The following SHANK1 variants were observed in gnomAD, a reference collection of about 807,000 sequenced individuals.
SHANK1 encodes the protein SH3 and multiple ankyrin repeat domains 1.
In SHANK1, 35 loss-of-function variants were observed where a neutral mutation model predicts 165.6. The observed-to-expected ratio is 0.21, with a 90% confidence interval of 0.16 to 0.28. SHANK1 has a LOEUF of 0.28. SHANK1 is among the 10% of genes least tolerant of loss of function. SHANK1 has a pLI of 1.00. For synonymous variants in SHANK1, 1,428 were observed against 1,384.8 expected (o/e 1.03, Z -0.69); for missense variants, 2,681 against 3,036.4 (o/e 0.88, Z 2.75).
At chr19:50,707,477 A>G (rs2088953829) in intron 8 of SHANK1, among the ~76,000 whole-genome samples, 1 of 152,108 alleles carries the variant, frequency 6.6e-6, no homozygotes, top group Non-Finnish European at 1.5e-5. Flanking sequence ...GTTACAGGAC[A>G]GGTTCAGAGA....
At position 50,667,025 on chromosome 19, in the gene SHANK1, G is replaced by C. The variant is rs1415154958; in HGVS notation, c.4935C>G (p.Pro1645=). ...CTGGGGCAGGCGGGCCTGGTGGATG[G>C]GGGTCCCCAGGAGCGGCGGAGGCCC... ...TQGASAAPGD[P]HPPGPPAPAA... The change falls in exon 23 of 24, where the codon CCC becomes CCG. Residue 1645 remains proline (P), a synonymous_variant. Coordinates refer to ENST00000293441, the MANE Select transcript of SHANK1 (RefSeq NM_016148.5). The surrounding 1 kb of genome is among the most constrained non-coding windows in gnomAD (Gnocchi z 5.7). The C allele has an allele frequency of 6.4e-7, 1 of 1,551,240 alleles. No homozygotes were observed. The highest frequency in any genetic ancestry group is 8.7e-7 in the Non-Finnish European group (1 of 1,151,906).
At chr19:50,700,761 T>G (rs1215080700) in intron 12 of SHANK1, among the ~76,000 whole-genome samples, 1 of 152,126 alleles carries the variant, frequency 6.6e-6, no homozygotes, top group African/African-American at 2.4e-5. Flanking sequence ...GTCCTCTGCC[T>G]GCCCGGAAGG....
chr19:50,703,285 C>T (rs2088892066), intron 11 of SHANK1, among the ~76,000 whole-genome samples: 1 of 152,194 alleles, frequency 6.6e-6, no homozygotes, highest in East Asian at 1.9e-4. Context: ...GCCTGGGGCC[C>T]CTGTCCTGGA....
At chr19:50,669,847 G>A (rs1355211331) in intron 22 of SHANK1, among the ~76,000 whole-genome samples, 1 of 151,972 alleles carries the variant, frequency 6.6e-6, no homozygotes, top group African/African-American at 2.4e-5. Flanking sequence ...TCACACTGGT[G>A]GACTTTGAAC....
chr19:50,707,678 C>A (rs1216825907), intron 8 of SHANK1, among the ~76,000 whole-genome samples: 1 of 151,264 alleles, frequency 6.6e-6, no homozygotes, highest in Non-Finnish European at 1.5e-5. Flanking sequence ...CTCCTGTGCA[C>A]CTGGCCTTCT....
At chr19:50,674,290 C>T (rs1049164893) in intron 21 of SHANK1, among the ~76,000 whole-genome samples, 2 of 152,062 alleles carry the variant, frequency 1.3e-5, no homozygotes, top group Non-Finnish European at 1.5e-5. Context: ...TCAGGCACTT[C>T]GGGGCCCTGA....
chr19:50,703,783 G>C lies in SHANK1; in HGVS notation c.1270C>G (p.Pro424Ala). 1 of 1,429,682 alleles carries C rather than the reference G, an allele frequency of 7.0e-7. No individual in the cohort carries two copies. Among genetic ancestry groups the C allele is most frequent in the Non-Finnish European group, 9.1e-7 (1 of 1,096,488 alleles). The allele number at this position is 1,429,682 out of a possible 1,614,324, so 88.6% of individuals were successfully genotyped here. ...GGGGGCACCGTCAGCCCTGTGCCTG[G>C]GGGCCCCCGTCGCCGGGCCGCGTAC... is the stretch of plus-strand genomic sequence containing the variant. Reference protein sequence around the residue: ...PKYAARRRGPPGTGLTVPPAL... With the variant: ...PKYAARRRGPAGTGLTVPPAL... Residue 424 changes from proline (P) to alanine (A), a missense_variant, in exon 11 of 24, where the codon CCA (proline) becomes GCA (alanine). Physicochemically the swap from Pro to Ala is conservative, Grantham distance 27 (BLOSUM62 -1). This residue lies in a region of SHANK1 where 49 missense variants were observed against 55.6 expected (regional missense o/e 0.88). Coordinates refer to ENST00000293441, the MANE Select transcript of SHANK1 (RefSeq NM_016148.5).
chr19:50,667,554 G>A lies in SHANK1; in HGVS notation c.4406C>T (p.Pro1469Leu), dbSNP rs1985587392. ...LLQLGTEPPA[P>L]HPGVSKPWRS... ...CCAGGGCTTGCTTACTCCGGGGTGCGGGGCCGGGGGCTCCGTCCCCAGCTG... is the reference window on the plus strand; with the variant it reads ...CCAGGGCTTGCTTACTCCGGGGTGCAGGGCCGGGGGCTCCGTCCCCAGCTG... Residue 1469 changes from proline (P) to leucine (L), a missense_variant, in exon 23 of 24, where the codon CCG becomes CTG. This residue lies in a region of SHANK1 where 1,713 missense variants were observed against 1,630.2 expected (regional missense o/e 1.05). Coordinates refer to ENST00000293441, the MANE Select transcript of SHANK1 (RefSeq NM_016148.5). The surrounding 1 kb of genome is among the most constrained non-coding windows in gnomAD (Gnocchi z 5.7). 6.8e-7 allele frequency: 1 copy of A among 1,461,592 alleles called. No homozygotes were observed. The highest frequency in any genetic ancestry group is 8.9e-7 in the Non-Finnish European group (1 of 1,119,758). 90.5% of individuals were successfully genotyped at this position (1,461,592 alleles called of 1,614,324 possible).
At chr19:50,703,432 G>A in intron 11 of SHANK1, 68 bp downstream of exon 11, 3 of 1,373,824 alleles carry the variant, frequency 2.2e-6, no homozygotes, top group Non-Finnish European at 3.0e-6. Flanking sequence ...GGCCTCGGGG[G>A]AAGCCGCCGA....
At chr19:50,676,237 A>G (rs1985978255) in intron 21 of SHANK1, among the ~76,000 whole-genome samples, 1 of 151,836 alleles carries the variant, frequency 6.6e-6, no homozygotes, top group Admixed American at 6.6e-5. Context: ...CATGAGTTTG[A>G]GGCTGCAGTG....
Position 50,704,122 on chromosome 19 carries a change from A to G in SHANK1, c.1220T>C (p.Val407Ala). ...ELIRNHREQD[V>A]VPFQESPKYA... The stretch of plus-strand genomic sequence containing the variant: ...AGTCCGAGCTCCCTGTCACTCACCC[A>G]CATCCTGTTCTCGGTGGTTTCGGAT... Residue 407 changes from valine (V) to alanine (A), a missense_variant and splice_region_variant, in exon 10 of 24, where the codon GTG becomes GCG. Val to Ala is a moderately conservative substitution (Grantham distance 64). Coordinates refer to ENST00000293441, the MANE Select transcript of SHANK1 (RefSeq NM_016148.5). 1.9e-6 allele frequency: 3 copies of G among 1,609,290 alleles called. No individual in the cohort carries two copies. Among genetic ancestry groups the G allele is most frequent in the Non-Finnish European group, 2.5e-6 (3 of 1,178,598 alleles).
chr19:50,702,663 G>T lies in SHANK1; in HGVS notation c.1554-3C>A. On this transcript the variant is annotated splice_polypyrimidine_tract_variant and splice_region_variant and intron_variant, in intron 11 of 23. Transcript: ENST00000293441. The surrounding 1 kb of genome is among the most constrained non-coding windows in gnomAD (Gnocchi z 5.3). ...CTTCCCGGGGTGTCCCGCTGGAGCTGCGTACACAGAGGGCATGAGAGGAGG... is the reference window on the plus strand; with the variant it reads ...CTTCCCGGGGTGTCCCGCTGGAGCTTCGTACACAGAGGGCATGAGAGGAGG... 1 of 1,561,728 alleles carries T rather than the reference G, an allele frequency of 6.4e-7. No individual in the cohort carries two copies.
intron 21 of SHANK1, among the ~76,000 whole-genome samples, chr19:50,682,042 C>G (rs1599850862): frequency 6.7e-6 from 1 of 150,076 alleles, no homozygotes; most frequent in African/African-American, 2.5e-5. Flanking sequence ...CTGTACCTGG[C>G]CTATTTTCTT....
At chr19:50,694,049 A>ACT (rs1986637155) in intron 15 of SHANK1, among the ~76,000 whole-genome samples, 1 of 151,462 alleles carries the variant, frequency 6.6e-6, no homozygotes, top group Non-Finnish European at 1.5e-5. Context: ...ACACACACAC[A>ACT]CACACACACA....
chr19:50,715,690 T>C lies in SHANK1; in HGVS notation c.500A>G (p.Asp167Gly), dbSNP rs749616695. 6.2e-7 allele frequency: 1 copy of C among 1,614,048 alleles called. No homozygotes were observed. Reference sequence around the variant, plus strand: ...GTGCAACTTGGCCAGCTGCTTCTCATCCAGGTTGGTCTGTTTGTAAACTCG... The same window carrying C: ...GTGCAACTTGGCCAGCTGCTTCTCACCCAGGTTGGTCTGTTTGTAAACTCG... ...KTRVYKQTNL[D>G]EKQLAKLHTK... The change falls in exon 4 of 24, where the codon GAT becomes GGT. Residue 167 changes from aspartate to glycine, a missense_variant. Coordinates refer to ENST00000293441, the MANE Select transcript of SHANK1 (RefSeq NM_016148.5).
intron 12 of SHANK1, among the ~76,000 whole-genome samples, chr19:50,700,513 A>G (rs1236801628): frequency 6.6e-6 from 1 of 151,934 alleles, no homozygotes; most frequent in East Asian, 1.9e-4. Flanking sequence ...TGAGGTTGAC[A>G]AGGTGGGCAG....
Position 50,688,786 on chromosome 19 carries a change from T to G in SHANK1, c.2172+58A>C. On this transcript the variant is annotated intron_variant, in intron 17 of 23. Coordinates refer to ENST00000293441, the MANE Select transcript of SHANK1 (RefSeq NM_016148.5). The surrounding 1 kb of genome is among the most constrained non-coding windows in gnomAD (Gnocchi z 6.7). ...GGCAGCCAGATCCTGGTGTGAATCA[T>G]GAGGGGGTCTGGGAACTTGTCACAG... 6.4e-7 allele frequency: 1 copy of G among 1,555,978 alleles called. No individual in the cohort carries two copies. Among genetic ancestry groups the G allele is most frequent in the Non-Finnish European group, 8.7e-7 (1 of 1,144,348 alleles).
chr19:50,714,250 G>A lies in SHANK1; in HGVS notation c.572C>T (p.Thr191Ile). The A allele has an allele frequency of 6.2e-7, 1 of 1,614,110 alleles. No homozygotes were observed. The highest frequency in any genetic ancestry group is 1.1e-5 in the South Asian group (1 of 91,082). ...CAGCAGCCGCGCCACCTTGTCAGAT[G>A]TCCCGAGCTGCACATACTCCAGGAA... ...KKFLEYVQLG[T>I]SDKVARLLDK... The change falls in exon 5 of 24, where the codon ACA becomes ATA. Residue 191 changes from threonine (T) to isoleucine (I), a missense_variant. Coordinates refer to ENST00000293441, the MANE Select transcript of SHANK1 (RefSeq NM_016148.5).
At chr19:50,707,564 CTTT>C (rs11291754) in intron 8 of SHANK1, among the ~76,000 whole-genome samples, 21 of 142,230 alleles carry the variant, frequency 1.5e-4, no homozygotes, top group Non-Finnish European at 2.8e-4. Context: ...CTTCTTCTTC[CTTT>C]TTTTTTTTTT....
Sources: allele counts gnomAD v4.1 joint callset (sites outside exome capture counted in the v4.1 genomes callset), GRCh38; gene constraint gnomAD v4.1.1; regional missense constraint gnomAD v4.1.1; non-coding constraint Gnocchi (gnomAD v3.1); transcripts MANE v1.5; gene names NCBI Gene and HGNC (gene_info 2026-07-23, HGNC 2026-07-21).